The following PHACTR2 variants were observed in gnomAD, a reference collection of about 807,000 sequenced individuals.
The protein encoded by PHACTR2 is phosphatase and actin regulator 2, also known as chromosome 6 open reading frame 56.
In PHACTR2, 30 loss-of-function variants were observed where a neutral mutation model predicts 76.0. The ratio of observed to expected loss-of-function variants is 0.39; its 90% CI spans 0.30 to 0.54. The LOEUF is 0.54. Among genes scored for constraint, PHACTR2 ranks in the 20% least tolerant of loss-of-function variants. The pLI is 0.61. For missense variants in PHACTR2, 696 were observed against 781.1 expected (o/e 0.89, Z 1.30); for synonymous variants, 292 against 292.5 (o/e 1.00, Z 0.02).
rs1245277288 is a variant in PHACTR2 at position 143,731,864 on chromosome 6, A to C, written c.215-17121A>C. Among the ~76,000 whole-genome samples the C allele has an allele frequency of 2.0e-5, 3 of 152,336 alleles. No homozygotes were observed. Among genetic ancestry groups the C allele is most frequent in the Admixed American group, 1.3e-4 (2 of 15,304 alleles). On this transcript the variant is annotated intron_variant, in intron 2 of 12. Coordinates refer to ENST00000440869, the MANE Select transcript of PHACTR2 (RefSeq NM_001100164.2). The surrounding 1 kb of genome is among the most constrained non-coding windows in gnomAD (Gnocchi z 4.9). The stretch of plus-strand genomic sequence containing the variant: ...TATGGACCTGAAGATTTCTCTTTTG[A>C]AAGATTTAAATAGCATATTCAATTT...
chr6:143,600,565 C>G (rs1775803455), intron 1 of PHACTR2, among the ~76,000 whole-genome samples: 1 of 152,218 alleles, frequency 6.6e-6, no homozygotes. Context: ...TATCCTTCTG[C>G]TTTGATTTAC....
intron 2 of PHACTR2, among the ~76,000 whole-genome samples, chr6:143,747,782 G>A (rs755506913): frequency 4.6e-5 from 7 of 152,166 alleles, no homozygotes; most frequent in African/African-American, 1.2e-4. Flanking sequence ...TGCAGAACAC[G>A]CTTTGGGAAA....
chr6:143,630,268 A>G (rs927110361), intron 1 of PHACTR2, among the ~76,000 whole-genome samples: 1 of 85,622 alleles, frequency 1.2e-5, no homozygotes, highest in Non-Finnish European at 3.4e-5. Flanking sequence ...ACATTGAGGA[A>G]ACAAAGTATG....
intron 1 of PHACTR2, among the ~76,000 whole-genome samples, chr6:143,613,787 A>G (rs17368267): frequency 0.26 from 40,308 of 152,194 alleles, 7,025 homozygotes; most frequent in Non-Finnish European, 0.39. Context: ...AACATTTTCT[A>G]AATTATACGC....
intron 12 of PHACTR2, among the ~76,000 whole-genome samples, chr6:143,814,557 G>A (rs1159897847): frequency 6.9e-6 from 1 of 144,192 alleles, no homozygotes; most frequent in African/African-American, 2.5e-5. Context: ...TTATTCAGAG[G>A]TCAACTGTAT....
At chr6:143,542,974 C>G (rs1225472289) in intron 1 of PHACTR2, among the ~76,000 whole-genome samples, 1 of 152,160 alleles carries the variant, frequency 6.6e-6, no homozygotes, top group African/African-American at 2.4e-5. Context: ...TTGATTACTG[C>G]TATGTGCCAG....
At position 143,780,670 on chromosome 6, in the gene PHACTR2, C is replaced by T. The variant is rs1390706793; in HGVS notation, c.1646-2549C>T. On this transcript the variant is annotated intron_variant, in intron 9 of 12. Transcript: ENST00000440869. This position sits in a 1 kb window ranked among gnomAD's most constrained non-coding sequence, Gnocchi z 4.4. ...CTCGCTAGGCGGGTTTCCTGTGGTG[C>T]TTGCTGCTGTTTAACCACATGTATT... 2.0e-5 allele frequency among the ~76,000 whole-genome samples: 3 copies of T among 152,148 alleles called. No homozygotes were observed. Among genetic ancestry groups the T allele is most frequent in the South Asian group, 4.1e-4 (2 of 4,826 alleles).
rs891525495 is a variant in PHACTR2 at position 143,558,707 on chromosome 6, G to A, written c.217+21500G>A. Reference sequence around the variant, plus strand: ...ATACATTCATGCGTTTTTCCAATGCGAGGAGGTAGAGATCGTTTTACAAAG... The same window carrying A: ...ATACATTCATGCGTTTTTCCAATGCAAGGAGGTAGAGATCGTTTTACAAAG... On this transcript the variant is annotated intron_variant, in intron 1 of 11. Coordinates refer to the PHACTR2 transcript ENST00000367584. This position sits in a 1 kb window ranked among gnomAD's most constrained non-coding sequence, Gnocchi z 4.7. 4.6e-5 allele frequency among the ~76,000 whole-genome samples: 7 copies of A among 152,166 alleles called. No homozygotes were observed. Among genetic ancestry groups the A allele is most frequent in the African/African-American group, 7.2e-5 (3 of 41,438 alleles).
intron 1 of PHACTR2, among the ~76,000 whole-genome samples, chr6:143,694,111 GAAGAAGGAAGGA>G (rs974395062): frequency 1.4e-5 from 2 of 141,580 alleles, no homozygotes; most frequent in African/African-American, 5.2e-5. Context: ...GGAAGGGAGG[GAAGAAGGAAGGA>G]AAGAAGGAAG....
chr6:143,607,519 C>G (rs1249827485), upstream of PHACTR2, among the ~76,000 whole-genome samples: 1 of 152,224 alleles, frequency 6.6e-6, no homozygotes, highest in Non-Finnish European at 1.5e-5. Context: ...ACTGTAGAAT[C>G]CCCTAACCTC....
chr6:143,668,053 T>C (rs1253426745), intron 1 of PHACTR2, among the ~76,000 whole-genome samples: 1 of 152,176 alleles, frequency 6.6e-6, no homozygotes, highest in Non-Finnish European at 1.5e-5. Context: ...AGATACGTTT[T>C]ATCAACACCT....
Position 143,765,196 on chromosome 6 carries a change from T to A in PHACTR2, c.695-65T>A. On this transcript the variant is annotated intron_variant, in intron 5 of 12. Coordinates refer to ENST00000440869, the MANE Select transcript of PHACTR2 (RefSeq NM_001100164.2). The surrounding 1 kb of genome is among the most constrained non-coding windows in gnomAD (Gnocchi z 4.1). ...TTAAATGTTGTTGACAGTTACACCT[T>A]GGTTACTTTATTTTAAAAAGCATTG... The A allele has an allele frequency of 1.6e-6, 2 of 1,254,760 alleles. No individual in the cohort carries two copies. Among genetic ancestry groups the A allele is most frequent in the Non-Finnish European group, 2.2e-6 (2 of 892,144 alleles). 77.7% of individuals were successfully genotyped at this position (1,254,760 alleles called of 1,614,324 possible). A position where few individuals can be genotyped will look rare whatever the true frequency, so the allele number is the denominator to read the frequency against.
chr6:143,745,936 T>C (rs1366799892), intron 2 of PHACTR2, among the ~76,000 whole-genome samples: 1 of 152,170 alleles, frequency 6.6e-6, no homozygotes, highest in Non-Finnish European at 1.5e-5. Flanking sequence ...GAGGGGGAAT[T>C]TTTAGTTTAC....
Position 143,616,558 on chromosome 6 carries a change from G to A in PHACTR2, c.13+8236G>A, listed in dbSNP as rs1582702923. On this transcript the variant is annotated intron_variant, in intron 1 of 11. Coordinates refer to the PHACTR2 transcript ENST00000305766. This position sits in a 1 kb window ranked among gnomAD's most constrained non-coding sequence, Gnocchi z 4.9. ...GTCGTTAATTCATCCATACATCCTGGTGATGTTTCCTGGTCACCCACTCTG... is the reference window on the plus strand; with the variant it reads ...GTCGTTAATTCATCCATACATCCTGATGATGTTTCCTGGTCACCCACTCTG... 6.6e-6 allele frequency among the ~76,000 whole-genome samples: 1 copy of A among 152,108 alleles called. No homozygotes were observed. Among genetic ancestry groups the A allele is most frequent in the East Asian group, 1.9e-4 (1 of 5,162 alleles).
rs1041550690 is a variant in PHACTR2, at chr6:143,683,784, A to T, written c.46+5575A>T. 2.0e-5 allele frequency among the ~76,000 whole-genome samples: 3 copies of T among 152,176 alleles called. No individual in the cohort carries two copies. The highest frequency in any genetic ancestry group is 4.4e-5 in the Non-Finnish European group (3 of 68,030). The stretch of plus-strand genomic sequence containing the variant: ...ATGGTAGGAAGTCAAACATTACAAG[A>T]TGGTTTGGGATAAAAATGAATTTAC... On this transcript the variant is annotated intron_variant, in intron 1 of 12. Transcript: ENST00000440869. This position sits in a 1 kb window ranked among gnomAD's most constrained non-coding sequence, Gnocchi z 4.1.
Position 143,591,151 on chromosome 6 carries a change from G to T in PHACTR2, c.217+53944G>T, listed in dbSNP as rs1202489192. Among the ~76,000 whole-genome samples the T allele has an allele frequency of 6.6e-6, 1 of 152,094 alleles. No individual in the cohort carries two copies. Among genetic ancestry groups the T allele is most frequent in the African/African-American group, 2.4e-5 (1 of 41,404 alleles). ...TGTGATGCTTCCTTTTGCCCCATCA[G>T]CCAAGACATTCCACGTTCATTTGCT... is the stretch of plus-strand genomic sequence containing the variant. On this transcript the variant is annotated intron_variant, in intron 1 of 11. Coordinates refer to the PHACTR2 transcript ENST00000367584. This position sits in a 1 kb window ranked among gnomAD's most constrained non-coding sequence, Gnocchi z 6.4.
chr6:143,728,730 T>TA (rs1778633050), intron 2 of PHACTR2, among the ~76,000 whole-genome samples: 1 of 152,114 alleles, frequency 6.6e-6, no homozygotes, highest in Non-Finnish European at 1.5e-5. Context: ...GAATATAGAT[T>TA]AGGGAAAGAA....
chr6:143,746,262 C>T (rs1779064274), intron 2 of PHACTR2, among the ~76,000 whole-genome samples: 1 of 152,170 alleles, frequency 6.6e-6, no homozygotes, highest in Admixed American at 6.5e-5. Flanking sequence ...AAAATGACTG[C>T]CCAGGGTCAC....
chr6:143,796,229 A>G (rs1362001227), intron 11 of PHACTR2, among the ~76,000 whole-genome samples: 3 of 152,118 alleles, frequency 2.0e-5, no homozygotes, highest in East Asian at 3.9e-4. Flanking sequence ...GTGGCATTGA[A>G]CTTGATTGAT....
Sources: allele counts gnomAD v4.1 joint callset (sites outside exome capture counted in the v4.1 genomes callset), GRCh38; gene constraint gnomAD v4.1.1; non-coding constraint Gnocchi (gnomAD v3.1); transcripts MANE v1.5; gene names NCBI Gene and HGNC (gene_info 2026-07-23, HGNC 2026-07-21).